The following RGS7 variants were observed in gnomAD, a reference collection of about 807,000 sequenced individuals.
The protein encoded by RGS7 is regulator of G-protein signaling 7.
RGS7 carries 27 observed loss-of-function variants against 81.1 expected under a neutral mutation model. The observed-to-expected ratio is 0.33, with a 90% CI of 0.25 to 0.46. The LOEUF (loss-of-function observed/expected upper bound fraction) is 0.46. Ranked by LOEUF, RGS7 falls within the 20% of genes least tolerant of loss-of-function variation. The pLI is 1.00. For synonymous variants in RGS7, 208 were observed against 207.7 expected (o/e 1.00, Z -0.01); for missense variants, 396 against 607.4 (o/e 0.65, Z 3.66).
intron 3 of RGS7, among the ~76,000 whole-genome samples, chr1:241,002,251 A>C (rs1447366551): frequency 6.6e-6 from 1 of 151,968 alleles, no homozygotes; most frequent in Non-Finnish European, 1.5e-5. Flanking sequence ...GTTTCAGACC[A>C]GCCTGACCAA....
intron 18 of RGS7, among the ~76,000 whole-genome samples, chr1:240,782,606 G>A (rs1310245502): frequency 6.6e-6 from 1 of 151,894 alleles, no homozygotes; most frequent in Non-Finnish European, 1.5e-5. Context: ...ATTTTTAGTA[G>A]AGATGAGGTC....
At chr1:240,997,219 T>C (rs1026228316) in intron 3 of RGS7, among the ~76,000 whole-genome samples, 3 of 152,148 alleles carry the variant, frequency 2.0e-5, no homozygotes, top group Admixed American at 1.3e-4. Context: ...TCAAGTAATT[T>C]TCCTATTTCA....
At chr1:241,315,121 T>C (rs2080795835) in intron 2 of RGS7, among the ~76,000 whole-genome samples, 1 of 135,612 alleles carries the variant, frequency 7.4e-6, no homozygotes, top group African/African-American at 2.7e-5. Context: ...TTTTTTTTTT[T>C]TTTTTTTTTT....
intron 2 of RGS7, among the ~76,000 whole-genome samples, chr1:241,106,436 G>A (rs543312546): frequency 6.6e-6 from 1 of 152,198 alleles, no homozygotes; most frequent in East Asian, 1.9e-4. Context: ...GTAACTCAGT[G>A]AGGCATGGTG....
chr1:240,926,672 C>T (rs1674490928), intron 6 of RGS7, among the ~76,000 whole-genome samples: 1 of 152,132 alleles, frequency 6.6e-6, no homozygotes, highest in African/African-American at 2.4e-5. Flanking sequence ...GCCTTTGTCT[C>T]GAGCCCACAC....
intron 2 of RGS7, among the ~76,000 whole-genome samples, chr1:241,120,772 G>T (rs936640815): frequency 1.3e-5 from 2 of 152,006 alleles, no homozygotes; most frequent in African/African-American, 4.8e-5. Context: ...AGGAAAATAG[G>T]GAAACTAGCT....
chr1:240,864,570 G>A (rs372378002), intron 9 of RGS7, among the ~76,000 whole-genome samples: 6 of 152,136 alleles, frequency 3.9e-5, no homozygotes, highest in East Asian at 1.9e-4. Flanking sequence ...TAAGTCTTGC[G>A]TTCCTGCACC....
chr1:241,088,212 T>C (rs946276976), intron 3 of RGS7, among the ~76,000 whole-genome samples: 4 of 151,468 alleles, frequency 2.6e-5, no homozygotes, highest in South Asian at 2.1e-4. Flanking sequence ...AGAGTGGCCA[T>C]GGAAAAGTCA....
intron 4 of RGS7, among the ~76,000 whole-genome samples, chr1:240,941,846 GT>G (rs1449108848): frequency 6.6e-5 from 10 of 150,814 alleles, no homozygotes. Context: ...TGAGTAATCT[GT>G]CAAGATCACT....
chr1:241,023,508 A>AGAT (rs1281191498), intron 3 of RGS7, among the ~76,000 whole-genome samples: 1 of 152,194 alleles, frequency 6.6e-6, no homozygotes, highest in African/African-American at 2.4e-5. Context: ...CCTGTCACAA[A>AGAT]GATATGAGAA....
rs192485688 is a variant in RGS7 at position 240,874,966 on chromosome 1, C to G, written c.386-4847G>C. Among the ~76,000 whole-genome samples, 12 of 151,946 alleles carry G rather than the reference C, an allele frequency of 7.9e-5. No homozygotes were observed. The South Asian group carries it at 2.1e-3, about 26-fold the overall frequency. ...CTGAGGCAGGAGAATTGCTTGAACC[C>G]GGGAGGCGGGGGTTGCAGTGAGCTG... On this transcript the variant is annotated intron_variant, in intron 6 of 18. Transcript: ENST00000440928.
At chr1:241,224,243 C>T in intron 2 of RGS7, among the ~76,000 whole-genome samples, 1 of 122,606 alleles carries the variant, frequency 8.2e-6, no homozygotes. Flanking sequence ...TATCCCACCT[C>T]CCAGCCCCCC....
chr1:241,353,994 ATAAC>A (rs1310952990), intron 2 of RGS7, among the ~76,000 whole-genome samples: 1 of 152,180 alleles, frequency 6.6e-6, no homozygotes, highest in African/African-American at 2.4e-5. Context: ...TCTAATGAAG[ATAAC>A]TATTAGGTGT....
At chr1:241,278,370 A>T (rs538426523) in intron 2 of RGS7, among the ~76,000 whole-genome samples, 1 of 152,182 alleles carries the variant, frequency 6.6e-6, no homozygotes, top group South Asian at 2.1e-4. Flanking sequence ...TCTGCCATTT[A>T]TTTTTGTTTT....
In RGS7 at chr1:240,785,925, G is replaced by C. The variant is rs569272534; in HGVS notation, c.*7-9712C>G. 5.3e-5 allele frequency among the ~76,000 whole-genome samples: 8 copies of C among 152,302 alleles called. No homozygotes were observed. In the South Asian group the frequency reaches 1.7e-3, roughly 32 times the overall value. On this transcript the variant is annotated intron_variant, in intron 18 of 18. Coordinates refer to ENST00000440928, the MANE Select transcript of RGS7 (RefSeq NM_001364886.1). ...ATGTTAAAGATAAGCTCGAATTCTT[G>C]AGAATTAAGATGGCAAGGACAAGAG...
At chr1:240,839,669 T>C (rs1371348127) in intron 9 of RGS7, among the ~76,000 whole-genome samples, 1 of 152,188 alleles carries the variant, frequency 6.6e-6, no homozygotes, top group Non-Finnish European at 1.5e-5. Context: ...AAGGGCAGCA[T>C]TCTTGGGTTG....
At chr1:241,352,922 TG>T (rs2148750208) in intron 2 of RGS7, among the ~76,000 whole-genome samples, 1 of 152,312 alleles carries the variant, frequency 6.6e-6, no homozygotes, top group East Asian at 1.9e-4. Flanking sequence ...ATACATATCT[TG>T]AGTGTGTGTA....
At chr1:241,218,725 A>G (rs1320807117) in intron 2 of RGS7, among the ~76,000 whole-genome samples, 2 of 151,898 alleles carry the variant, frequency 1.3e-5, no homozygotes, top group Non-Finnish European at 2.9e-5. Flanking sequence ...GCTCACCGCA[A>G]CCTCCACCTC....
intron 2 of RGS7, among the ~76,000 whole-genome samples, chr1:241,289,806 A>G (rs965094090): frequency 6.6e-5 from 10 of 152,072 alleles, no homozygotes; most frequent in Non-Finnish European, 1.5e-5. Context: ...AAGTGGTACG[A>G]GGGAAGATGG....
Sources: gnomAD v4.1 joint callset for allele counts (sites outside exome capture counted in the v4.1 genomes callset) on GRCh38, gnomAD v4.1.1 for gene constraint, MANE v1.5 for transcripts, NCBI Gene and HGNC (gene_info 2026-07-23, HGNC 2026-07-21) for gene names.